The following OCEL1 variants were observed in gnomAD, a reference collection of about 807,000 sequenced individuals.
OCEL1 encodes the protein occludin/ELL domain-containing protein 1.
A neutral mutation model predicts 29.4 loss-of-function variants in OCEL1; 24 were observed. The ratio of observed to expected loss-of-function variants is 0.82; its 90% CI spans 0.59 to 1.15. The LOEUF (loss-of-function observed/expected upper bound fraction) is 1.15. OCEL1 is among the 50% of genes most tolerant of loss of function. OCEL1 has a pLI of 0.00. For missense variants in OCEL1, 402 were observed against 352.5 expected (o/e 1.14, Z -1.13); for synonymous variants, 172 against 145.3 (o/e 1.18, Z -1.32).
chr19:17,226,576 G>T (rs961292764), intron 1 of OCEL1, 117 bp from the exon 2 acceptor site: 6 of 1,185,358 alleles, frequency 5.1e-6, no homozygotes, highest in African/African-American at 4.7e-5. Flanking sequence ...AATAGCGGTC[G>T]TTCTGGGGAA....
Position 17,228,810 on chromosome 19 carries a change from G to C in OCEL1, c.680G>C (p.Gly227Ala). ...GGGTCTCGCCCTGCCTAGGATCCTG[G>C]CTTCCTGGACAAGCAGGCTCGCTGC... ...REFEMKRMDP[G>A]FLDKQARCHY... The change falls in exon 6 of 6, where the codon GGC becomes GCC. Residue 227 changes from glycine to alanine, a missense_variant. Coordinates refer to ENST00000215061, the MANE Select transcript of OCEL1 (RefSeq NM_024578.3). 6.2e-7 allele frequency: 1 copy of C among 1,613,160 alleles called. No homozygotes were observed. Among genetic ancestry groups the C allele is most frequent in the Non-Finnish European group, 8.5e-7 (1 of 1,179,832 alleles).
chr19:17,227,217 G>T lies in OCEL1; in HGVS notation c.452+18G>T. ...TATGAGCTGTGAGTGTCCCCCATGT[G>T]ATTCTTCATGCCTGGGATCAGGAGA... On this transcript the variant is annotated intron_variant, in intron 3 of 5. Transcript: ENST00000215061. The T allele has an allele frequency of 6.8e-7, 1 of 1,469,098 alleles. No homozygotes were observed. The highest frequency in any genetic ancestry group is 1.5e-5 in the South Asian group (1 of 66,324). The allele number at this position is 1,469,098 out of a possible 1,614,324, so 91.0% of individuals were successfully genotyped here. A position where few individuals can be genotyped will look rare whatever the true frequency, so the allele number is the denominator to read the frequency against.
intron 5 of OCEL1, chr19:17,228,557 A>G (rs1282828692): frequency 1.7e-6 from 1 of 593,354 alleles, no homozygotes; most frequent in East Asian, 3.1e-5. Context: ...TATTTGTAGT[A>G]GAGATGGGGT....
Position 17,226,875 on chromosome 19 carries a change from C to T in OCEL1, c.246+6C>T. The T allele has an allele frequency of 6.6e-7, 1 of 1,519,334 alleles. No individual in the cohort carries two copies. The allele number at this position is 1,519,334 out of a possible 1,614,324, so 94.1% of individuals were successfully genotyped here. A position where few individuals can be genotyped will look rare whatever the true frequency, so the allele number is the denominator to read the frequency against. ...CGCCTGGGCCTGGGCCCCCGGTGAG[C>T]CTGACCGGGAGGGGGTCCCCAGGCC... On this transcript the variant is annotated splice_donor_region_variant and intron_variant, in intron 2 of 5. Coordinates refer to ENST00000215061, the MANE Select transcript of OCEL1 (RefSeq NM_024578.3).
rs1599446830 is a variant in OCEL1, at chr19:17,226,926, C to G, written c.246+57C>G. The G allele has an allele frequency of 4.6e-6, 7 of 1,521,218 alleles. No homozygotes were observed. The East Asian group carries it at 1.7e-4, about 37-fold the overall frequency. 94.2% of individuals were successfully genotyped at this position (1,521,218 alleles called of 1,614,324 possible). A position where few individuals can be genotyped will look rare whatever the true frequency, so the allele number is the denominator to read the frequency against. On this transcript the variant is annotated intron_variant, in intron 2 of 5. Transcript: ENST00000215061. ...GGGCCTCTAGGCAAAAGATTTAGCC[C>G]CTCCAGTTTGAGGGACTCCGGTTTC...
Position 17,227,966 on chromosome 19 carries a change from G to A in OCEL1, c.579G>A (p.Leu193=), listed in dbSNP as rs1354377961. 6.2e-7 allele frequency: 1 copy of A among 1,612,616 alleles called. No individual in the cohort carries two copies. The highest frequency in any genetic ancestry group is 8.5e-7 in the Non-Finnish European group (1 of 1,180,012). The change falls in exon 4 of 6, where the codon CTG becomes CTA. Residue 193 remains leucine (L), a synonymous_variant. Coordinates refer to ENST00000215061, the MANE Select transcript of OCEL1 (RefSeq NM_024578.3). The stretch of plus-strand genomic sequence containing the variant: ...GTGCACAGGCAAAGCTCAGGCAGCT[G>A]GAGGCCCTGCTGAGCTCCCTGCCCC... ...VGCAQAKLRQ[L]EALLSSLPPP... is the part of the protein sequence containing the mutation.
chr19:17,227,221 C>A, intron 3 of OCEL1, 22 bp downstream of exon 3: 1 of 1,466,460 alleles, frequency 6.8e-7, no homozygotes, highest in Non-Finnish European at 9.0e-7. Flanking sequence ...CCATGTGATT[C>A]TTCATGCCTG....
chr19:17,227,285 C>A, intron 3 of OCEL1, 86 bp downstream of exon 3: 1 of 1,261,982 alleles, frequency 7.9e-7, no homozygotes, highest in Non-Finnish European at 1.1e-6. Context: ...TAAGAGTTTA[C>A]CAAAGAGTAG....
At chr19:17,226,356 G>A in intron 1 of OCEL1, 40 bp downstream of exon 1, 1 of 1,598,798 alleles carries the variant, frequency 6.3e-7, no homozygotes, top group Non-Finnish European at 8.5e-7. Context: ...CCTTGCAGGT[G>A]GGGCGGAGGT....
At chr19:17,226,920 T>G (rs756699931) in intron 2 of OCEL1, 51 bp downstream of exon 2, 1 of 1,521,132 alleles carries the variant, frequency 6.6e-7, no homozygotes, top group East Asian at 2.4e-5. Context: ...GGCAAAAGAT[T>G]TAGCCCCTCC....
Position 17,226,740 on chromosome 19 carries a change from C to T in OCEL1, c.117C>T (p.Arg39=), listed in dbSNP as rs747846926. Reference sequence around the variant, plus strand: ...CGCGCGCGGGACACGACGCCCCCCGCAGGACCCGCCCATCAGCCCGGAAAC... The same window carrying T: ...CGCGCGCGGGACACGACGCCCCCCGTAGGACCCGCCCATCAGCCCGGAAAC... ...PPPRAGHDAP[R]RTRPSARKPL... Residue 39 remains arginine (R), a synonymous_variant, in exon 2 of 6, where the codon CGC becomes CGT. Coordinates refer to ENST00000215061, the MANE Select transcript of OCEL1 (RefSeq NM_024578.3). 2 of 1,561,660 alleles carry T rather than the reference C, an allele frequency of 1.3e-6. No homozygotes were observed. Among genetic ancestry groups the T allele is most frequent in the African/African-American group, 1.4e-5 (1 of 72,126 alleles).
At chr19:17,228,392 TTTC>T (rs752764810) in intron 5 of OCEL1, 83 bp downstream of exon 5, 46 of 1,402,488 alleles carry the variant, frequency 3.3e-5, no homozygotes, top group Non-Finnish European at 4.4e-5. Flanking sequence ...TTCTTTTTTT[TTTC>T]TTTCTTTTGA....
chr19:17,227,760 C>G lies in OCEL1; in HGVS notation c.453-80C>G. On this transcript the variant is annotated intron_variant, in intron 3 of 5. Coordinates refer to ENST00000215061, the MANE Select transcript of OCEL1 (RefSeq NM_024578.3). ...GTTTCTAGTAGGGGCCCAGCATGGA[C>G]AAAGAAAAGCAAATTACACTGACTG... is the stretch of plus-strand genomic sequence containing the variant. The G allele has an allele frequency of 2.7e-6, 4 of 1,489,622 alleles. No homozygotes were observed. In the South Asian group the frequency reaches 4.9e-5, roughly 18 times the overall value. 92.3% of individuals were successfully genotyped at this position (1,489,622 alleles called of 1,614,324 possible).
intron 1 of OCEL1, 135 bp from the exon 2 acceptor site, chr19:17,226,558 T>C (rs1361476352): frequency 2.2e-5 from 23 of 1,039,426 alleles, no homozygotes; most frequent in Non-Finnish European, 3.0e-5. Context: ...ATCGCGTGCG[T>C]CTATGCAAAT....
chr19:17,226,622 G>C (rs904980571), intron 1 of OCEL1, 71 bp from the exon 2 acceptor site: 14 of 1,395,662 alleles, frequency 1.0e-5, no homozygotes, highest in African/African-American at 5.9e-5. Flanking sequence ...GCCGCTCTTC[G>C]GCCGAGCTGC....
rs1445598796 is a variant in OCEL1, at chr19:17,226,292, C to G, written c.45C>G (p.Gly15=). Reference sequence around the variant, plus strand: ...GTGCCTCTCCGACAGCAGATCCAGGCTCGGAGCTCCAGACGCTGGGACAGG... The same window carrying G: ...GTGCCTCTCCGACAGCAGATCCAGGGTCGGAGCTCCAGACGCTGGGACAGG... ...DGSASPTADP[G]SELQTLGQAA... The change falls in exon 1 of 6, where the codon GGC becomes GGG. Residue 15 remains glycine (G), a synonymous_variant. Coordinates refer to ENST00000215061, the MANE Select transcript of OCEL1 (RefSeq NM_024578.3). 3.1e-6 allele frequency: 5 copies of G among 1,612,436 alleles called. No homozygotes were observed. In the South Asian group the frequency reaches 5.5e-5, roughly 18 times the overall value.
chr19:17,228,370 C>T (rs376251881), intron 5 of OCEL1, 61 bp downstream of exon 5: 10 of 1,513,744 alleles, frequency 6.6e-6, no homozygotes, highest in Non-Finnish European at 9.0e-6. Context: ...GGCTGGGGTG[C>T]CTGTGCCCAG....
intron 1 of OCEL1, 97 bp downstream of exon 1, chr19:17,226,413 T>C (rs2145554562): frequency 7.0e-7 from 1 of 1,425,768 alleles, no homozygotes; most frequent in Non-Finnish European, 9.6e-7. Flanking sequence ...CTGCGCGCCC[T>C]GGAGGTCGAG....
chr19:17,228,671 G>A, intron 5 of OCEL1, 132 bp from the exon 6 acceptor site: 1 of 1,301,758 alleles, frequency 7.7e-7, no homozygotes. Flanking sequence ...ACCTTGCCCG[G>A]CTCACCCGGT....
Sources: gnomAD v4.1 joint callset for allele counts on GRCh38, gnomAD v4.1.1 for gene constraint, MANE v1.5 for transcripts, NCBI Gene and HGNC (gene_info 2026-07-23, HGNC 2026-07-21) for gene names.